TEX12: variants seen among roughly 807,000 people sequenced by gnomAD.
The protein encoded by TEX12 is testis expressed 12.
Under a neutral mutation model 14.6 loss-of-function variants are expected in TEX12, and 7 were observed. That is an observed-to-expected ratio of 0.48 (90% CI 0.27 to 0.90). The LOEUF is 0.90. Among genes scored for constraint, TEX12 ranks in the 40% least tolerant of loss-of-function variants. TEX12 has a pLI of 0.12. For missense variants in TEX12, 121 were observed against 135.7 expected (o/e 0.89, Z 0.54); for synonymous variants, 57 against 49.1 (o/e 1.16, Z -0.67).
rs111700722 is a variant in TEX12, at chr11:112,169,347, A to G, written c.63+16A>G. The G allele has an allele frequency of 4.5e-3, 7,162 of 1,589,090 alleles. 273 individuals carry two copies. The African/African-American group carries it at 0.081, about 18-fold the overall frequency. Reference sequence around the variant, plus strand: ...AGAATTGGAGGTAAGCTGTATGCCTATGGAGCCTTAATCTTTTATTCTGTT... The same window carrying G: ...AGAATTGGAGGTAAGCTGTATGCCTGTGGAGCCTTAATCTTTTATTCTGTT... On this transcript the variant is annotated intron_variant, in intron 2 of 4. Coordinates refer to ENST00000280358, the MANE Select transcript of TEX12 (RefSeq NM_031275.4).
chr11:112,169,283 CCTT>C lies in TEX12; in HGVS notation c.16_18del (p.Leu6del). The stretch of plus-strand genomic sequence containing the variant: ...GCCTTCGGAATATGATGGCAAATCA[CCTT>C]GTAAAGCCTGATAATAGAAATTGCA... On this transcript the variant is annotated inframe_deletion, in exon 2 of 5. Coordinates refer to ENST00000280358, the MANE Select transcript of TEX12 (RefSeq NM_031275.4). The C allele has an allele frequency of 4.3e-6, 7 of 1,613,890 alleles. No individual in the cohort carries two copies. Among genetic ancestry groups the C allele is most frequent in the Non-Finnish European group, 5.9e-6 (7 of 1,179,792 alleles).
intron 4 of TEX12, 84 bp from the exon 5 acceptor site, chr11:112,171,688 T>G (rs1198558408): frequency 2.4e-5 from 21 of 877,102 alleles, no homozygotes; most frequent in Non-Finnish European, 3.4e-5. Context: ...AATGAAATAG[T>G]TAACAAATAT....
chr11:112,169,393 T>G, intron 2 of TEX12, 62 bp downstream of exon 2: 1 of 1,320,800 alleles, frequency 7.6e-7, no homozygotes, highest in Non-Finnish European at 1.1e-6. Flanking sequence ...CTCAAATTTC[T>G]TCCCTTTAAG....
chr11:112,168,809 C>T (rs1361942584), intron 1 of TEX12, among the ~76,000 whole-genome samples: 1 of 152,170 alleles, frequency 6.6e-6, no homozygotes, highest in Admixed American at 6.5e-5. Flanking sequence ...GCCTCAGCTT[C>T]CCAAAGTGCT....
At position 112,170,666 on chromosome 11, in the gene TEX12, G is replaced by A. The variant is rs961999041; in HGVS notation, c.219G>A (p.Lys73=). The A allele has an allele frequency of 7.5e-6, 12 of 1,609,808 alleles. No individual in the cohort carries two copies. Among genetic ancestry groups the A allele is most frequent in the Non-Finnish European group, 1.0e-5 (12 of 1,176,924 alleles). The change falls in exon 4 of 5, where the codon AAG becomes AAA. Residue 73 remains lysine, a synonymous_variant. Coordinates refer to ENST00000280358, the MANE Select transcript of TEX12 (RefSeq NM_031275.4). ...ATCTAATGTTGTCTACCTATGCAAA[G>A]CTTTTAAGGCAAGTACTTATAGTAT... ...EINLMLSTYA[K]LLSERAAVDA... is the part of the protein sequence containing the mutation.
chr11:112,171,720 A>G lies in TEX12; in HGVS notation c.228-52A>G, dbSNP rs538039228. 5.4e-6 allele frequency: 6 copies of G among 1,119,686 alleles called. No homozygotes were observed. The South Asian group carries it at 1.3e-4, about 25-fold the overall frequency. The allele number at this position is 1,119,686 out of a possible 1,614,324, so 69.4% of individuals were successfully genotyped here. ...ATATTGTGTAATGAAGAACAACATA[A>G]TGATGTTGTTTATATCTACTTAGTT... On this transcript the variant is annotated intron_variant, in intron 4 of 4. Coordinates refer to ENST00000280358, the MANE Select transcript of TEX12 (RefSeq NM_031275.4).
At chr11:112,168,664 A>C (rs1429891138) in intron 1 of TEX12, among the ~76,000 whole-genome samples, 1 of 151,280 alleles carries the variant, frequency 6.6e-6, no homozygotes. Context: ...CGATTCTCTC[A>C]CCTCAGCTTC....
intron 2 of TEX12, among the ~76,000 whole-genome samples, chr11:112,169,686 T>C (rs1262683309): frequency 2.0e-5 from 3 of 152,234 alleles, no homozygotes; most frequent in African/African-American, 7.2e-5. Flanking sequence ...TCCTGTCTTT[T>C]ACTACTGCCC....
chr11:112,169,899 A>G lies in TEX12; in HGVS notation c.64-520A>G, dbSNP rs185684659. ...TAAAGTCTAATTTAAGGCTGGGCGCATTGGCTCATGTCTGTAATCCTAGTG... is the reference window on the plus strand; with the variant it reads ...TAAAGTCTAATTTAAGGCTGGGCGCGTTGGCTCATGTCTGTAATCCTAGTG... On this transcript the variant is annotated intron_variant, in intron 2 of 4. Transcript: ENST00000280358. Among the ~76,000 whole-genome samples, 19 of 152,334 alleles carry G rather than the reference A, an allele frequency of 1.2e-4. No individual in the cohort carries two copies. In the East Asian group the frequency reaches 3.7e-3, roughly 29 times the overall value.
At chr11:112,170,387 C>T (rs1243050172) in intron 2 of TEX12, 32 bp from the exon 3 acceptor site, 3 of 1,381,552 alleles carry the variant, frequency 2.2e-6, no homozygotes, top group Non-Finnish European at 3.0e-6. Context: ...ATCTTATTGA[C>T]TGTACCTGTT....
At position 112,171,993 on chromosome 11, in the gene TEX12, C is replaced by G; in HGVS notation, c.*77C>G. On this transcript the variant is annotated 3_prime_UTR_variant, in exon 5 of 5. Transcript: ENST00000280358. ...AAGAATGACATTTATGCTTTGAAAG[C>G]TCTCGAGTTGTTAAAGAAAATGTAT... 8.5e-7 allele frequency: 1 copy of G among 1,170,280 alleles called. No homozygotes were observed. Among genetic ancestry groups the G allele is most frequent in the Non-Finnish European group, 1.1e-6 (1 of 884,480 alleles). 72.5% of individuals were successfully genotyped at this position (1,170,280 alleles called of 1,614,324 possible).
In TEX12 at chr11:112,172,525, G is replaced by A. The variant is rs1015611493; in HGVS notation, c.*609G>A. 1 of 152,050 alleles carries A rather than the reference G, an allele frequency of 6.6e-6. No homozygotes were observed. Among genetic ancestry groups the A allele is most frequent in the Non-Finnish European group, 1.5e-5 (1 of 67,972 alleles). 9.4% of individuals were successfully genotyped at this position (152,050 alleles called of 1,614,324 possible). A position where few individuals can be genotyped will look rare whatever the true frequency, so the allele number is the denominator to read the frequency against. On this transcript the variant is annotated 3_prime_UTR_variant, in exon 5 of 5. Coordinates refer to ENST00000280358, the MANE Select transcript of TEX12 (RefSeq NM_031275.4). ...TTAAAATTATTTTCTTGTGGTAAAA[G>A]TAGTAAAATAAAAACCAGAAATTAC...
At chr11:112,169,124 T>C (rs1866761281) in intron 1 of TEX12, 129 bp from the exon 2 acceptor site, 2 of 670,286 alleles carry the variant, frequency 3.0e-6, no homozygotes, top group Non-Finnish European at 5.4e-6. Context: ...AGAAATTGAG[T>C]TTAGGAAAGT....
rs1009267144 is a variant in TEX12, at chr11:112,171,947, A to G, written c.*31A>G. On this transcript the variant is annotated 3_prime_UTR_variant, in exon 5 of 5. Transcript: ENST00000280358. Reference sequence around the variant, plus strand: ...ATACTTGAAATAAGCTGAGAATTTAAACCTATTATTGTTATAATGAAAGAA... The same window carrying G: ...ATACTTGAAATAAGCTGAGAATTTAGACCTATTATTGTTATAATGAAAGAA... 2.1e-6 allele frequency: 3 copies of G among 1,398,216 alleles called. No homozygotes were observed. Among genetic ancestry groups the G allele is most frequent in the Admixed American group, 5.4e-5 (2 of 37,252 alleles). The allele number at this position is 1,398,216 out of a possible 1,614,324, so 86.6% of individuals were successfully genotyped here. A position where few individuals can be genotyped will look rare whatever the true frequency, so the allele number is the denominator to read the frequency against.
intron 2 of TEX12, among the ~76,000 whole-genome samples, chr11:112,169,690 A>G (rs192494303): frequency 6.6e-6 from 1 of 152,306 alleles, no homozygotes; most frequent in Non-Finnish European, 1.5e-5. Context: ...GTCTTTTACT[A>G]CTGCCCCCAC....
intron 1 of TEX12, among the ~76,000 whole-genome samples, chr11:112,168,227 T>C (rs560742066): frequency 1.3e-5 from 2 of 152,312 alleles, no homozygotes; most frequent in Middle Eastern, 3.4e-3. Context: ...ACAAAGTCAA[T>C]TGATAACTTG....
chr11:112,169,421 T>A, intron 2 of TEX12, 90 bp downstream of exon 2: 1 of 959,018 alleles, frequency 1.0e-6, no homozygotes, highest in Non-Finnish European at 1.7e-6. Flanking sequence ...TATAGATAAG[T>A]GGGATTTAAT....
intron 2 of TEX12, among the ~76,000 whole-genome samples, chr11:112,170,020 A>ACAAAG (rs1297406801): frequency 1.3e-5 from 2 of 152,168 alleles, no homozygotes; most frequent in Non-Finnish European, 2.9e-5. Flanking sequence ...ACAAAACAAA[A>ACAAAG]CAAAACAAAA....
chr11:112,169,896 C>A (rs137903259), intron 2 of TEX12, among the ~76,000 whole-genome samples: 80 of 152,306 alleles, frequency 5.3e-4, no homozygotes, highest in African/African-American at 1.6e-3. Flanking sequence ...TAAGGCTGGG[C>A]GCATTGGCTC....
Sources: allele counts gnomAD v4.1 joint callset (sites outside exome capture counted in the v4.1 genomes callset), GRCh38; gene constraint gnomAD v4.1.1; transcripts MANE v1.5; gene names NCBI Gene and HGNC (gene_info 2026-07-23, HGNC 2026-07-21).